Variants in TNXB observed in about 807,000 individuals in gnomAD.
The protein encoded by TNXB is tenascin XB.
A neutral mutation model predicts 340.5 loss-of-function variants in TNXB; 183 were observed. The ratio of observed to expected loss-of-function variants is 0.54; its 90% CI spans 0.48 to 0.61. The LOEUF (loss-of-function observed/expected upper bound fraction) is 0.61. Ranked by LOEUF, TNXB falls within the 20% of genes least tolerant of loss-of-function variation. TNXB has a pLI of 0.00. For missense variants in TNXB, 4,613 were observed against 5,446.4 expected (o/e 0.85, Z 4.82); for synonymous variants, 2,121 against 2,314.5 (o/e 0.92, Z 2.40).
At chr6:32,057,501 C>T (rs1018846296) in intron 22 of TNXB, among the ~76,000 whole-genome samples, 1 of 152,334 alleles carries the variant, frequency 6.6e-6, no homozygotes, top group East Asian at 1.9e-4. Flanking sequence ...TCAGCCCCCA[C>T]GGATGAGCTT....
chr6:32,058,879 C>T lies in TNXB; in HGVS notation c.7493-489G>A, dbSNP rs563988779. On this transcript the variant is annotated intron_variant, in intron 21 of 43. Transcript: ENST00000644971. This position sits in a 1 kb window ranked among gnomAD's most constrained non-coding sequence, Gnocchi z 5.1. ...CGATGATGAATGCTGGTTGTGTAGC[C>T]GTGAGGTGAATGATTACAATGTACT... is the stretch of plus-strand genomic sequence containing the variant. Among the ~76,000 whole-genome samples, 15 of 151,828 alleles carry T rather than the reference C, an allele frequency of 9.9e-5. No individual in the cohort carries two copies. The highest frequency in any genetic ancestry group is 3.9e-4 in the East Asian group (2 of 5,194).
chr6:32,101,419 G>C (rs942629212), intron 1 of TNXB, among the ~76,000 whole-genome samples: 1 of 151,950 alleles, frequency 6.6e-6, no homozygotes, highest in African/African-American at 2.4e-5. Context: ...CTCCTGAGTA[G>C]CTGGGACTAC....
At position 32,097,113 on chromosome 6, in the gene TNXB, C is replaced by G; in HGVS notation, c.740G>C (p.Arg247Pro). The G allele has an allele frequency of 6.2e-7, 1 of 1,612,154 alleles. No individual in the cohort carries two copies. Among genetic ancestry groups the G allele is most frequent in the Non-Finnish European group, 8.5e-7 (1 of 1,179,228 alleles). ...AGFSGPDCSQ[R>P]SCPRGCSQRG... Reference sequence around the variant, plus strand: ...CTGGCTGCAACCTCGAGGGCAGGAGCGCTGGCTGCAGTCGGGGCCTGAGAA... The same window carrying G: ...CTGGCTGCAACCTCGAGGGCAGGAGGGCTGGCTGCAGTCGGGGCCTGAGAA... Residue 247 changes from arginine to proline, a missense_variant, in exon 3 of 44, where the codon CGC becomes CCC. This residue lies in a region of TNXB where 4,327 missense variants were observed against 4,859.4 expected (regional missense o/e 0.89). Coordinates refer to ENST00000644971, the MANE Select transcript of TNXB (RefSeq NM_001365276.2). This position sits in a 1 kb window ranked among gnomAD's most constrained non-coding sequence, Gnocchi z 5.9.
intron 13 of TNXB, among the ~76,000 whole-genome samples, chr6:32,071,007 C>T (rs960052462): frequency 6.6e-6 from 1 of 152,094 alleles, no homozygotes; most frequent in Non-Finnish European, 1.5e-5. Flanking sequence ...GGGATGATGC[C>T]GGGGAGCTCA....
chr6:32,068,479 C>A lies in TNXB; in HGVS notation c.6131G>T (p.Gly2044Val), dbSNP rs1778537334. The A allele has an allele frequency of 6.2e-7, 1 of 1,613,888 alleles. No individual in the cohort carries two copies. The highest frequency in any genetic ancestry group is 2.2e-5 in the East Asian group (1 of 44,882). ...PGHEEGVTIS[G>V]LEPDHKYKMN... is the part of the protein sequence containing the mutation. The stretch of plus-strand genomic sequence containing the variant: ...CTTGTATTTATGGTCTGGCTCCAGG[C>A]CCGAGATGGTGACCCCTTCCTCGTG... The change falls in exon 17 of 44, where the codon GGC becomes GTC. Residue 2044 changes from glycine (G) to valine (V), a missense_variant. By Grantham distance (109) the Gly-to-Val change is moderately radical. This residue lies in a region of TNXB where 4,327 missense variants were observed against 4,859.4 expected (regional missense o/e 0.89). Coordinates refer to ENST00000644971, the MANE Select transcript of TNXB (RefSeq NM_001365276.2). The surrounding 1 kb of genome is among the most constrained non-coding windows in gnomAD (Gnocchi z 5.3).
Position 32,089,123 on chromosome 6 carries a change from C to T in TNXB, c.2516-75G>A. The T allele has an allele frequency of 3.8e-6, 6 of 1,579,362 alleles. No individual in the cohort carries two copies. The highest frequency in any genetic ancestry group is 4.3e-6 in the Non-Finnish European group (5 of 1,161,144). On this transcript the variant is annotated intron_variant, in intron 5 of 43. Coordinates refer to ENST00000644971, the MANE Select transcript of TNXB (RefSeq NM_001365276.2). This position sits in a 1 kb window ranked among gnomAD's most constrained non-coding sequence, Gnocchi z 6.2. Reference sequence around the variant, plus strand: ...ATCATCTTTCCTTCCAAGAGCCTAGCCCCCATCCAGCCCCTTCCTTCTGCC... The same window carrying T: ...ATCATCTTTCCTTCCAAGAGCCTAGTCCCCATCCAGCCCCTTCCTTCTGCC...
Position 32,069,147 on chromosome 6 carries a change from G to GAGACAGGT in TNXB, c.5588-19_5588-12dup. The GAGACAGGT allele has an allele frequency of 6.3e-7, 1 of 1,590,522 alleles. No homozygotes were observed. The highest frequency in any genetic ancestry group is 1.7e-5 in the Admixed American group (1 of 59,272). ...TTTCTTCCCTGCCGGCTGGTTCACA[G>GAGACAGGT]AGACAGGTAGAGACAGATGGCTGGT... On this transcript the variant is annotated splice_polypyrimidine_tract_variant and intron_variant, in intron 15 of 43. Coordinates refer to ENST00000644971, the MANE Select transcript of TNXB (RefSeq NM_001365276.2). This position sits in a 1 kb window ranked among gnomAD's most constrained non-coding sequence, Gnocchi z 6.2.
chr6:32,067,630 C>A lies in TNXB; in HGVS notation c.6544+31G>T, dbSNP rs780883972. The A allele has an allele frequency of 6.2e-7, 1 of 1,600,156 alleles. No homozygotes were observed. Among genetic ancestry groups the A allele is most frequent in the Admixed American group, 1.7e-5 (1 of 58,292 alleles). ...CTGGAGGCTGTACTTTGCTAAGACC[C>A]AACCCAGAGGGCTCTGCAGTGCACA... On this transcript the variant is annotated intron_variant, in intron 18 of 43. Transcript: ENST00000644971. This position sits in a 1 kb window ranked among gnomAD's most constrained non-coding sequence, Gnocchi z 4.2.
rs41316748 is a variant in TNXB, at chr6:32,051,735, T to C, written c.9115+935A>G. On this transcript the variant is annotated intron_variant, in intron 26 of 43. Transcript: ENST00000644971. This position sits in a 1 kb window ranked among gnomAD's most constrained non-coding sequence, Gnocchi z 4.7. The stretch of plus-strand genomic sequence containing the variant: ...CCTGGGCAACATACCGAGACCCCCA[T>C]TGCCACAGAAAATAAAATAAAAAGG... Among the ~76,000 whole-genome samples, 3,746 of 152,042 alleles carry C rather than the reference T, an allele frequency of 0.025. 68 individuals are homozygous for C. Among genetic ancestry groups the C allele is most frequent in the South Asian group, 0.057 (273 of 4,782 alleles).
chr6:32,096,709 G>A lies in TNXB; in HGVS notation c.1144C>T (p.Arg382Cys). 1 of 1,551,310 alleles carries A rather than the reference G, an allele frequency of 6.4e-7. No homozygotes were observed. Among genetic ancestry groups the A allele is most frequent in the Non-Finnish European group, 8.7e-7 (1 of 1,150,996 alleles). Residue 382 changes from arginine (R) to cysteine (C), a missense_variant, in exon 3 of 44, where the codon CGC (arginine) becomes TGC (cysteine). Transcript: ENST00000644971. ...CAAATGCATTCGCCGTCCTCGCAGC[G>A]CCCGCGGCCCCGGCAGTCCCTCGGA... ...TCPRDCRGRG[R>C]CEDGECICDT...
chr6:32,101,353 G>A lies in TNXB; in HGVS notation c.-8-3147C>T, dbSNP rs151054742. ...CGCCCAGGCTGGAGTGCAGTGGTGC[G>A]TCTTGGCTCACTGCAAGCTCTGCCT... On this transcript the variant is annotated intron_variant, in intron 1 of 43. Transcript: ENST00000644971. Among the ~76,000 whole-genome samples, 399 of 152,040 alleles carry A rather than the reference G, an allele frequency of 2.6e-3. 1 individual carries two copies. Among genetic ancestry groups the A allele is most frequent in the African/African-American group, 8.9e-3 (367 of 41,460 alleles).
In TNXB at chr6:32,048,461, G is replaced by A; in HGVS notation, c.9947C>T (p.Ala3316Val). ...GCGGGCCGGGTCCAGCCCCGAGACG[G>A]CGACCGCTCGGAGGTCTCCGCTCAC... ...VPVSGDLRAV[A>V]VSGLDPARKY... The change falls in exon 29 of 44, where the codon GCC becomes GTC. Residue 3316 changes from alanine (A) to valine (V), a missense_variant. Transcript: ENST00000644971. The A allele has an allele frequency of 6.3e-7, 1 of 1,591,078 alleles. No homozygotes were observed. The highest frequency in any genetic ancestry group is 8.6e-7 in the Non-Finnish European group (1 of 1,167,618).
Position 32,047,651 on chromosome 6 carries a change from C to A in TNXB, c.10324+83G>T, listed in dbSNP as rs118104272. 6.8e-7 allele frequency: 1 copy of A among 1,461,862 alleles called. No homozygotes were observed. Among genetic ancestry groups the A allele is most frequent in the Non-Finnish European group, 9.1e-7 (1 of 1,102,724 alleles). The allele number at this position is 1,461,862 out of a possible 1,614,324, so 90.6% of individuals were successfully genotyped here. ...TTGTGTCAGGGCTGATAGAGGGAAT[C>A]TCACGGGAAGGCTGCAGGGCCAGCT... On this transcript the variant is annotated intron_variant, in intron 30 of 43. Coordinates refer to ENST00000644971, the MANE Select transcript of TNXB (RefSeq NM_001365276.2). This position sits in a 1 kb window ranked among gnomAD's most constrained non-coding sequence, Gnocchi z 6.2.
At position 32,053,005 on chromosome 6, in the gene TNXB, G is replaced by A; in HGVS notation, c.8792-12C>T. The A allele has an allele frequency of 6.2e-7, 1 of 1,605,758 alleles. No homozygotes were observed. The highest frequency in any genetic ancestry group is 2.2e-5 in the East Asian group (1 of 44,718). ...TTCTTCCTCTGCAGCTGAGAAGAGG[G>A]GACAGAGAAGGTGAGGCAGCTTCCC... On this transcript the variant is annotated splice_polypyrimidine_tract_variant and intron_variant, in intron 25 of 43. Transcript: ENST00000644971.
At position 32,097,432 on chromosome 6, in the gene TNXB, T is replaced by C. The variant is rs1780477817; in HGVS notation, c.421A>G (p.Thr141Ala). ...AACACACCATGGAGACTGCAGAGGG[T>C]CCGCACATCTGTCTGACCTGGAGTA... is the stretch of plus-strand genomic sequence containing the variant. ...QAGTGQTDVRTLCSLHGVFDL... is the reference protein window; with the variant it reads ...QAGTGQTDVRALCSLHGVFDL... The change falls in exon 3 of 44, where the codon ACC becomes GCC. Residue 141 changes from threonine to alanine, a missense_variant. Thr to Ala is a moderately conservative substitution (Grantham distance 58, BLOSUM62 0). Coordinates refer to ENST00000644971, the MANE Select transcript of TNXB (RefSeq NM_001365276.2). The surrounding 1 kb of genome is among the most constrained non-coding windows in gnomAD (Gnocchi z 5.9). 1 of 1,597,176 alleles carries C rather than the reference T, an allele frequency of 6.3e-7. No individual in the cohort carries two copies. The highest frequency in any genetic ancestry group is 1.3e-5 in the African/African-American group (1 of 74,432).
intron 1 of TNXB, among the ~76,000 whole-genome samples, chr6:32,102,751 C>T (rs915206709): frequency 6.6e-6 from 1 of 152,066 alleles, no homozygotes; most frequent in South Asian, 2.1e-4. Flanking sequence ...GAAACCCTGT[C>T]TCTACTAAAA....
intron 22 of TNXB, 45 bp from the exon 23 acceptor site, chr6:32,056,948 C>T (rs772913669): frequency 3.4e-5 from 54 of 1,599,408 alleles, no homozygotes; most frequent in Admixed American, 6.7e-5. Flanking sequence ...GTCCCTGGCT[C>T]CTCAGTTCAG....
intron 1 of TNXB, among the ~76,000 whole-genome samples, chr6:32,102,193 G>C (rs562991495): frequency 2.6e-4 from 39 of 152,338 alleles, no homozygotes; most frequent in Non-Finnish European, 5.0e-4. Context: ...GTCATCTGTT[G>C]CAAGTGGGAG....
Position 32,096,846 on chromosome 6 carries a change from T to A in TNXB, c.1007A>T (p.Asp336Val). 6.2e-7 allele frequency: 1 copy of A among 1,604,174 alleles called. No individual in the cohort carries two copies. Among genetic ancestry groups the A allele is most frequent in the East Asian group, 2.3e-5 (1 of 44,430 alleles). ...CCAGGGGCAGCTCCGCGTACCACAG[T>A]CCTCGCCAGTGTAGCCGGGGTCACA... is the stretch of plus-strand genomic sequence containing the variant. ...CVCDPGYTGE[D>V]CGTRSCPWDC... The change falls in exon 3 of 44, where the codon GAC (aspartate) becomes GTC (valine). Residue 336 changes from aspartate (D) to valine (V), a missense_variant. By Grantham distance (152) the Asp-to-Val change is radical. Around this residue, in one of 7 missense-constraint regions of TNXB, gnomAD observed 4,327 missense variants for 4,859.4 expected, o/e 0.89. Coordinates refer to ENST00000644971, the MANE Select transcript of TNXB (RefSeq NM_001365276.2).
Sources: allele counts gnomAD v4.1 joint callset (sites outside exome capture counted in the v4.1 genomes callset), GRCh38; gene constraint gnomAD v4.1.1; regional missense constraint gnomAD v4.1.1; non-coding constraint Gnocchi (gnomAD v3.1); transcripts MANE v1.5; gene names NCBI Gene and HGNC (gene_info 2026-07-23, HGNC 2026-07-21).